The following LINGO2 variants were observed in gnomAD, a reference collection of about 807,000 sequenced individuals.
LINGO2 encodes the protein leucine-rich repeat and immunoglobulin-like domain-containing nogo receptor-interacting protein 2.
LINGO2 carries 14 observed loss-of-function variants against 30.6 expected under a neutral mutation model. That is an observed-to-expected ratio of 0.46 (90% CI 0.30 to 0.72). The LOEUF (loss-of-function observed/expected upper bound fraction) is 0.72. LINGO2 is among the 30% of genes least tolerant of loss of function. LINGO2 has a pLI of 0.07. For synonymous variants in LINGO2, 317 were observed against 288.5 expected (o/e 1.10, Z -1.00); for missense variants, 729 against 751.7 (o/e 0.97, Z 0.35).
intron 2 of LINGO2, among the ~76,000 whole-genome samples, chr9:28,469,650 AG>A (rs1825444781): frequency 1.3e-5 from 2 of 152,194 alleles, no homozygotes; most frequent in African/African-American, 4.8e-5. Context: ...CAGACCATAA[AG>A]CAGTAGGATG....
chr9:28,958,536 G>A, the LINGO2 span, among the ~76,000 whole-genome samples: 2 of 152,094 alleles, frequency 1.3e-5, no homozygotes, highest in Non-Finnish European at 2.9e-5. Context: ...TAAGGGGAAT[G>A]TTTTAAAACC....
At chr9:28,542,369 C>T (rs975531003) in intron 1 of LINGO2, among the ~76,000 whole-genome samples, 7 of 151,964 alleles carry the variant, frequency 4.6e-5, no homozygotes, top group African/African-American at 1.7e-4. Flanking sequence ...AATACATCTT[C>T]CTATCTACCA....
chr9:28,353,631 G>C (rs1317045038), intron 3 of LINGO2, among the ~76,000 whole-genome samples: 1 of 152,046 alleles, frequency 6.6e-6, no homozygotes, highest in Non-Finnish European at 1.5e-5. Context: ...AATACCATTT[G>C]ACCCAGCCAT....
the LINGO2 span, among the ~76,000 whole-genome samples, chr9:28,914,947 C>T: frequency 6.6e-6 from 1 of 152,212 alleles, no homozygotes; most frequent in Non-Finnish European, 1.5e-5. Context: ...TCCTGGCCAA[C>T]ATGGTGAAAC....
At chr9:28,636,546 G>C (rs567694687) in intron 1 of LINGO2, among the ~76,000 whole-genome samples, 1 of 152,276 alleles carries the variant, frequency 6.6e-6, no homozygotes, top group East Asian at 1.9e-4. Context: ...TCTCATTGTG[G>C]TTTTGATTTG....
intron 1 of LINGO2, among the ~76,000 whole-genome samples, chr9:28,593,636 C>T (rs1176417161): frequency 6.6e-6 from 1 of 151,950 alleles, no homozygotes; most frequent in Non-Finnish European, 1.5e-5. Context: ...AAGCCAAGCC[C>T]CAAAGAAAAT....
chr9:29,128,602 C>A, the LINGO2 span, among the ~76,000 whole-genome samples: 4 of 152,030 alleles, frequency 2.6e-5, no homozygotes, highest in East Asian at 7.7e-4. Flanking sequence ...GCTGTTTGGC[C>A]TGAATGTTCT....
rs1433886201 is a variant in LINGO2, at chr9:28,632,719, TC to T, written c.-365+37480del. Among the ~76,000 whole-genome samples the T allele has an allele frequency of 2.2e-5, 3 of 137,856 alleles. 1 individual carries two copies. The highest frequency in any genetic ancestry group is 1.5e-5 in the Non-Finnish European group (1 of 64,748). 90.4% of individuals were successfully genotyped at this position (137,856 alleles called of 152,430 possible). A position where few individuals can be genotyped will look rare whatever the true frequency, so the allele number is the denominator to read the frequency against. ...ATAGATCTATATATTTATATATAGA[TC>T]TATATATAGATCTATATATTTATAT... On this transcript the variant is annotated intron_variant, in intron 1 of 5. Coordinates refer to ENST00000379992, the Ensembl canonical transcript of LINGO2.
intron 1 of LINGO2, among the ~76,000 whole-genome samples, chr9:28,610,101 TTC>T (rs71502449): frequency 0.079 from 12,072 of 152,186 alleles, 631 homozygotes; most frequent in East Asian, 0.18. Context: ...AGAAAAAAAC[TTC>T]TGTTTATATG....
chr9:29,135,386 C>T, the LINGO2 span, among the ~76,000 whole-genome samples: 14 of 151,708 alleles, frequency 9.2e-5, no homozygotes, highest in Admixed American at 2.6e-4. Flanking sequence ...GGTGAAACCC[C>T]GTCTCTACTA....
At chr9:28,421,458 A>G (rs1823193312) in intron 2 of LINGO2, among the ~76,000 whole-genome samples, 1 of 151,206 alleles carries the variant, frequency 6.6e-6, no homozygotes, top group African/African-American at 2.4e-5. Flanking sequence ...TTGGAATTTC[A>G]AGGGACAACA....
chr9:28,528,712 A>G (rs1305636373), intron 1 of LINGO2, among the ~76,000 whole-genome samples: 2 of 152,144 alleles, frequency 1.3e-5, no homozygotes, highest in African/African-American at 4.8e-5. Context: ...TCTACTAAAT[A>G]CTAAGATAAA....
intron 5 of LINGO2, among the ~76,000 whole-genome samples, chr9:27,965,009 T>A (rs1410137771): frequency 1.3e-5 from 2 of 152,158 alleles, no homozygotes; most frequent in East Asian, 3.9e-4. Flanking sequence ...CAACTTTCTT[T>A]ACTCTCCCAC....
intron 2 of LINGO2, among the ~76,000 whole-genome samples, chr9:28,439,904 G>A (rs559746406): frequency 1.4e-3 from 211 of 152,280 alleles, no homozygotes; most frequent in Non-Finnish European, 2.6e-3. Flanking sequence ...CCATGGGGTT[G>A]AGCAATGTTC....
At chr9:28,639,510 T>C (rs1441769043) in intron 1 of LINGO2, among the ~76,000 whole-genome samples, 1 of 152,202 alleles carries the variant, frequency 6.6e-6, no homozygotes, top group Non-Finnish European at 1.5e-5. Context: ...GCTCCTGTGC[T>C]GGGTGCATAT....
At chr9:28,907,884 C>T in the LINGO2 span, among the ~76,000 whole-genome samples, 1 of 151,360 alleles carries the variant, frequency 6.6e-6, no homozygotes, top group East Asian at 1.9e-4. Flanking sequence ...AGTGGCCTTA[C>T]ATCTCTGAAA....
chr9:28,826,924 C>T, the LINGO2 span, among the ~76,000 whole-genome samples: 29,335 of 152,030 alleles, frequency 0.19, 3,015 homozygotes, highest in Non-Finnish European at 0.23. Context: ...TGAAAAATTT[C>T]TGAAACCCAG....
the LINGO2 span, among the ~76,000 whole-genome samples, chr9:28,680,015 A>T: frequency 5.7e-4 from 86 of 151,940 alleles, 1 homozygote; most frequent in Non-Finnish European, 9.1e-4. Context: ...TTATATCTGG[A>T]ATTATATTCT....
the LINGO2 span, among the ~76,000 whole-genome samples, chr9:29,187,861 T>C: frequency 2.0e-5 from 3 of 150,250 alleles, no homozygotes; most frequent in African/African-American, 7.3e-5. Flanking sequence ...ATATAACCTG[T>C]ATCATGACAC....
Sources: gnomAD v4.1 joint callset for allele counts (sites outside exome capture counted in the v4.1 genomes callset) on GRCh38, gnomAD v4.1.1 for gene constraint, MANE v1.5 for transcripts, NCBI Gene and HGNC (gene_info 2026-07-23, HGNC 2026-07-21) for gene names.